The following ASPRV1 variants were observed in gnomAD, a reference collection of about 807,000 sequenced individuals.
ASPRV1 encodes retroviral-like aspartic protease 1.
A neutral mutation model predicts 11.0 loss-of-function variants in ASPRV1; 7 were observed. The ratio of observed to expected loss-of-function variants is 0.64; its 90% CI spans 0.36 to 1.20. The LOEUF is 1.20. ASPRV1 is among the 50% of genes most tolerant of loss of function. ASPRV1 has a pLI of 0.02. For synonymous variants in ASPRV1, 136 were observed against 138.4 expected (o/e 0.98, Z 0.12); for missense variants, 299 against 320.0 (o/e 0.93, Z 0.50).
chr2:69,953,938 G>A, the ASPRV1 span, among the ~76,000 whole-genome samples: 4 of 150,864 alleles, frequency 2.7e-5, no homozygotes, highest in African/African-American at 7.3e-5. Flanking sequence ...GGCTGGTCTC[G>A]AACTCCTGAC....
chr2:70,058,607 CA>C, the ASPRV1 span, among the ~76,000 whole-genome samples: 6 of 146,928 alleles, frequency 4.1e-5, no homozygotes, highest in African/African-American at 1.0e-4. Flanking sequence ...GGCTAGAGTG[CA>C]ACGGTATGAT....
chr2:70,084,208 C>G, the ASPRV1 span, among the ~76,000 whole-genome samples: 2 of 152,112 alleles, frequency 1.3e-5, no homozygotes, highest in African/African-American at 2.4e-5. Flanking sequence ...AAAGACCTGA[C>G]AGATAAAATT....
chr2:69,979,791 G>A, the ASPRV1 span, among the ~76,000 whole-genome samples: 1 of 152,188 alleles, frequency 6.6e-6, no homozygotes, highest in Admixed American at 6.5e-5. Context: ...TTTCAGGAGC[G>A]TTTCCTGCCA....
the ASPRV1 span, chr2:69,938,343 A>G: frequency 3.2e-6 from 5 of 1,559,184 alleles, no homozygotes; most frequent in East Asian, 2.3e-5. Context: ...TGATTAGGTA[A>G]CGTATTGGAC....
the ASPRV1 span, among the ~76,000 whole-genome samples, chr2:69,936,840 C>T: frequency 9.2e-5 from 14 of 152,126 alleles, no homozygotes; most frequent in Non-Finnish European, 1.3e-4. Context: ...TAAATGGAAG[C>T]GTGTTTCTTA....
the ASPRV1 span, chr2:69,937,041 G>A: frequency 1.5e-5 from 11 of 745,806 alleles, no homozygotes; most frequent in East Asian, 1.1e-4. Context: ...CAGCACTGGC[G>A]ATGCTGAAGA....
At chr2:69,983,090 TG>T in the ASPRV1 span, among the ~76,000 whole-genome samples, 1 of 152,140 alleles carries the variant, frequency 6.6e-6, no homozygotes, top group African/African-American at 2.4e-5. Context: ...GGCTAATTTT[TG>T]TATCTTTAGT....
At chr2:69,962,985 G>A, upstream of ASPRV1, 5 of 312,026 alleles carry the variant, frequency 1.6e-5, no homozygotes, top group South Asian at 1.4e-4. Flanking sequence ...GCACACCTGT[G>A]GCTCTGGGGC....
the ASPRV1 span, among the ~76,000 whole-genome samples, chr2:70,022,013 T>TGTTTG: frequency 6.6e-6 from 1 of 150,912 alleles, no homozygotes; most frequent in African/African-American, 2.4e-5. Flanking sequence ...CAATACATTT[T>TGTTTG]GTTTTGTTTT....
At chr2:70,050,719 G>C in the ASPRV1 span, 1 of 152,170 alleles carries the variant, frequency 6.6e-6, no homozygotes, top group East Asian at 1.9e-4. Context: ...AGAGGCCAAG[G>C]CAGGAGGAGC....
the ASPRV1 span, among the ~76,000 whole-genome samples, chr2:70,047,338 G>C: frequency 1.3e-5 from 2 of 152,164 alleles, no homozygotes; most frequent in Admixed American, 1.3e-4. Context: ...AGATGAGCTG[G>C]TTCAGAAAAT....
chr2:69,996,745 T>C, the ASPRV1 span: 1 of 456,720 alleles, frequency 2.2e-6, no homozygotes, highest in South Asian at 1.5e-5. Flanking sequence ...GGAAACCATC[T>C]ACCTGAGGCT....
chr2:70,059,697 T>C, the ASPRV1 span: 113 of 165,554 alleles, frequency 6.8e-4, 1 homozygote, highest in East Asian at 0.013. Context: ...TTAGATGAGA[T>C]AGGAGACAGT....
upstream of ASPRV1, chr2:69,964,302 CTG>C (rs1461214279): frequency 6.6e-6 from 3 of 451,714 alleles, no homozygotes; most frequent in Non-Finnish European, 1.3e-5. Flanking sequence ...GCCCTTCGGG[CTG>C]TGTCTGTCCA....
the ASPRV1 span, chr2:70,085,616 T>C: frequency 6.7e-6 from 1 of 149,228 alleles, no homozygotes; most frequent in Non-Finnish European, 1.5e-5. Flanking sequence ...TCTTTATGTT[T>C]GTCTTCCTCT....
downstream of ASPRV1, among the ~76,000 whole-genome samples, chr2:69,955,923 C>T (rs139212877): frequency 3.7e-4 from 56 of 151,916 alleles, no homozygotes; most frequent in Non-Finnish European, 6.3e-4. Context: ...TGATGGCATG[C>T]CAGTAGCAAG....
chr2:69,961,687 A>G, upstream of ASPRV1: 1 of 1,536,612 alleles, frequency 6.5e-7, no homozygotes, highest in Non-Finnish European at 8.8e-7. Flanking sequence ...TGGGCTCCCC[A>G]TTCTCCTTTG....
At chr2:70,064,196 C>T in the ASPRV1 span, among the ~76,000 whole-genome samples, 1 of 152,124 alleles carries the variant, frequency 6.6e-6, no homozygotes, top group African/African-American at 2.4e-5. Flanking sequence ...CAAAGATGGA[C>T]GAAATAGGAA....
At chr2:70,020,571 C>T in the ASPRV1 span, among the ~76,000 whole-genome samples, 1 of 152,090 alleles carries the variant, frequency 6.6e-6, no homozygotes, top group Non-Finnish European at 1.5e-5. Context: ...GGTGAAATCC[C>T]GTTTCTACAA....
Sources: gnomAD v4.1 joint callset for allele counts (sites outside exome capture counted in the v4.1 genomes callset) on GRCh38, gnomAD v4.1.1 for gene constraint, MANE v1.5 for transcripts, NCBI Gene and HGNC (gene_info 2026-07-23, HGNC 2026-07-21) for gene names.